The following ZNF208 variants were observed in gnomAD, a reference collection of about 807,000 sequenced individuals.
ZNF208 encodes zinc finger protein 95.
ZNF208 carries 10 observed loss-of-function variants against 12.1 expected under a neutral mutation model. That is an observed-to-expected ratio of 0.83 (90% CI 0.51 to 1.40). The LOEUF is 1.40. ZNF208 is among the 40% of genes most tolerant of loss of function. ZNF208 has a pLI of 0.00. For synonymous variants in ZNF208, 497 were observed against 488.4 expected (o/e 1.02, Z -0.23); for missense variants, 1,652 against 1,485.0 (o/e 1.11, Z -1.85).
intron 4 of ZNF208, among the ~76,000 whole-genome samples, chr19:21,952,621 G>A (rs779300369): frequency 6.6e-6 from 1 of 151,752 alleles, no homozygotes; most frequent in Non-Finnish European, 1.5e-5. Context: ...AGGAATAGAA[G>A]CAACATCAGC....
In ZNF208 at chr19:21,952,141, C is replaced by T. The variant is rs1025168822; in HGVS notation, c.306-18904G>A. 1.5e-4 allele frequency among the ~76,000 whole-genome samples: 23 copies of T among 152,226 alleles called. 1 individual carries two copies. Among genetic ancestry groups the T allele is most frequent in the Non-Finnish European group, 2.9e-4 (20 of 68,040 alleles). On this transcript the variant is annotated intron_variant, in intron 4 of 4. Transcript: ENST00000599916. ...AGGCTTGAGTAGCTAAACGAAGTGG[C>T]CGGGAAGCTTGAACTGGGTGGAGCC... is the stretch of plus-strand genomic sequence containing the variant.
chr19:21,971,176 A>G lies in ZNF208; in HGVS notation c.*15T>C. 4 of 1,612,286 alleles carry G rather than the reference A, an allele frequency of 2.5e-6. No individual in the cohort carries two copies. The highest frequency in any genetic ancestry group is 2.5e-6 in the Non-Finnish European group (3 of 1,179,560). On this transcript the variant is annotated 3_prime_UTR_variant, in exon 4 of 4. Coordinates refer to ENST00000397126, the MANE Select transcript of ZNF208 (RefSeq NM_007153.3). ...TTGAGGGCCACTTATAGGCTTTGCC[A>G]CATTCTTCACATTTCTAGAGTTTCT...
chr19:21,959,305 T>G (rs1299621321), intron 4 of ZNF208, among the ~76,000 whole-genome samples: 1 of 152,208 alleles, frequency 6.6e-6, no homozygotes, highest in East Asian at 1.9e-4. Flanking sequence ...AGAACCTTCT[T>G]GTGCTACCCA....
At position 21,974,294 on chromosome 19, in the gene ZNF208, T is replaced by C. The variant is rs957147849; in HGVS notation, c.740A>G (p.His247Arg). The change falls in exon 4 of 4, where the codon CAT (histidine) becomes CGT (arginine). Residue 247 changes from histidine (H) to arginine (R), a missense_variant. Coordinates refer to ENST00000397126, the MANE Select transcript of ZNF208 (RefSeq NM_007153.3). Reference sequence around the variant, plus strand: ...TTTCTCTCCAGTATGAATTACCTTATGTTTAGTAAGGATTGAGAACTTACT... The same window carrying C: ...TTTCTCTCCAGTATGAATTACCTTACGTTTAGTAAGGATTGAGAACTTACT... The part of the protein sequence containing the change: ...AFSKFSILTK[H>R]KVIHTGEKSY... 8.1e-6 allele frequency: 13 copies of C among 1,613,542 alleles called. No individual in the cohort carries two copies. The highest frequency in any genetic ancestry group is 4.0e-5 in the African/African-American group (3 of 74,920).
intron 3 of ZNF208, among the ~76,000 whole-genome samples, chr19:21,986,143 C>T (rs1970625616): frequency 6.6e-6 from 1 of 152,116 alleles, no homozygotes; most frequent in African/African-American, 2.4e-5. Flanking sequence ...GTCAATGCTT[C>T]TATTTTAACA....
At chr19:22,001,750 G>T (rs1442728952) in intron 1 of ZNF208, among the ~76,000 whole-genome samples, 1 of 151,338 alleles carries the variant, frequency 6.6e-6, no homozygotes, top group Non-Finnish European at 1.5e-5. Context: ...AAAATTAGCT[G>T]GGCATGGTAG....
At chr19:21,940,958 G>A (rs186763370) in intron 4 of ZNF208, 1 of 170,706 alleles carries the variant, frequency 5.9e-6, no homozygotes, top group East Asian at 1.5e-4. Context: ...GGCATCCCCG[G>A]GCTGGGCGAC....
At chr19:21,958,723 T>C (rs1400562189) in intron 4 of ZNF208, among the ~76,000 whole-genome samples, 1 of 131,962 alleles carries the variant, frequency 7.6e-6, no homozygotes, top group Non-Finnish European at 1.6e-5. Flanking sequence ...AAACCAGCCC[T>C]GGAAGAAATC....
At chr19:21,953,462 C>G (rs887106009) in intron 4 of ZNF208, among the ~76,000 whole-genome samples, 3 of 152,226 alleles carry the variant, frequency 2.0e-5, no homozygotes, top group African/African-American at 7.2e-5. Context: ...CAGTGGCTCT[C>G]TCAGCAGAAA....
chr19:21,968,097 A>T lies in ZNF208; in HGVS notation c.*3094T>A, dbSNP rs1019941600. Reference sequence around the variant, plus strand: ...ATTTGTGCTGATTTTGTATTCTAAGATTTTTTTTGAAGTCTTTTTCCAGGC... The same window carrying T: ...ATTTGTGCTGATTTTGTATTCTAAGTTTTTTTTTGAAGTCTTTTTCCAGGC... On this transcript the variant is annotated 3_prime_UTR_variant, in exon 4 of 4. Transcript: ENST00000397126. 6 of 151,912 alleles carry T rather than the reference A, an allele frequency of 3.9e-5. No homozygotes were observed. Among genetic ancestry groups the T allele is most frequent in the African/African-American group, 1.5e-4 (6 of 41,374 alleles). The allele number at this position is 151,912 out of a possible 1,614,324, so 9.4% of individuals were successfully genotyped here.
chr19:21,981,600 T>A (rs1222850137), intron 3 of ZNF208, among the ~76,000 whole-genome samples: 1 of 152,174 alleles, frequency 6.6e-6, no homozygotes, highest in Non-Finnish European at 1.5e-5. Flanking sequence ...ACAGACAATA[T>A]CATACTGAAT....
Position 21,990,007 on chromosome 19 carries a change from C to T in ZNF208, c.4-1098G>A, listed in dbSNP as rs567799003. Among the ~76,000 whole-genome samples, 79 of 152,108 alleles carry T rather than the reference C, an allele frequency of 5.2e-4. 3 individuals are homozygous for T. In the South Asian group the frequency reaches 0.015, roughly 29 times the overall value. ...AGCCCTTTGTCAGATGAGTAGTTTGCGAAAATTTTCTCCTGTTTTGTAGGT... is the reference window on the plus strand; with the variant it reads ...AGCCCTTTGTCAGATGAGTAGTTTGTGAAAATTTTCTCCTGTTTTGTAGGT... On this transcript the variant is annotated intron_variant, in intron 1 of 3. Coordinates refer to ENST00000397126, the MANE Select transcript of ZNF208 (RefSeq NM_007153.3).
intron 2 of ZNF208, among the ~76,000 whole-genome samples, chr19:21,987,989 C>G (rs1970656828): frequency 6.6e-6 from 1 of 151,966 alleles, no homozygotes. Flanking sequence ...CTTTCTGTAC[C>G]CTACAGGTGG....
At chr19:21,960,079 T>A (rs1452839366) in intron 4 of ZNF208, among the ~76,000 whole-genome samples, 1 of 152,184 alleles carries the variant, frequency 6.6e-6, no homozygotes, top group East Asian at 1.9e-4. Flanking sequence ...TGCTGACCAA[T>A]TTAATCAGAA....
At chr19:22,003,497 AAAG>A (rs1216220746) in intron 1 of ZNF208, among the ~76,000 whole-genome samples, 6 of 105,564 alleles carry the variant, frequency 5.7e-5, no homozygotes, top group East Asian at 3.2e-4. Flanking sequence ...AAAAAACTAA[AAAG>A]AAGACCAAAA....
downstream of ZNF208, among the ~76,000 whole-genome samples, chr19:21,962,852 A>C (rs1970098165): frequency 6.6e-6 from 1 of 152,112 alleles, no homozygotes; most frequent in Non-Finnish European, 1.5e-5. Flanking sequence ...AGATTTGACC[A>C]AAATCTAGCA....
chr19:21,971,548 A>C lies in ZNF208; in HGVS notation c.3486T>G (p.Ile1162Met). 1 of 1,610,824 alleles carries C rather than the reference A, an allele frequency of 6.2e-7. No homozygotes were observed. Among genetic ancestry groups the C allele is most frequent in the Non-Finnish European group, 8.5e-7 (1 of 1,179,802 alleles). The change falls in exon 4 of 4, where the codon ATT becomes ATG. Residue 1162 changes from isoleucine (I) to methionine (M), a missense_variant. Transcript: ENST00000397126. ...ATTTGTAGGGTTTCTCTACAGTATG[A>C]ATTTTCTTATGATAACTAAGGGTTG... ...WSSTLSYHKK[I>M]HTVEKPYKCE...
downstream of ZNF208, among the ~76,000 whole-genome samples, chr19:21,962,658 T>C (rs1228597054): frequency 6.6e-6 from 1 of 152,116 alleles, no homozygotes; most frequent in Admixed American, 6.6e-5. Context: ...TATTAGTCAT[T>C]GTGAGTAGAG....
intron 3 of ZNF208, among the ~76,000 whole-genome samples, chr19:21,977,359 G>A (rs7253840): frequency 0.014 from 2,095 of 152,298 alleles, 42 homozygotes; most frequent in African/African-American, 0.049. Context: ...TGATTTCTGC[G>A]TTTCCAACTG....
Sources: gnomAD v4.1 joint callset for allele counts (sites outside exome capture counted in the v4.1 genomes callset) on GRCh38, gnomAD v4.1.1 for gene constraint, MANE v1.5 for transcripts, NCBI Gene and HGNC (gene_info 2026-07-23, HGNC 2026-07-21) for gene names.